The following NRXN3 variants were observed in gnomAD, a reference collection of about 807,000 sequenced individuals.
NRXN3 encodes neurexin III.
In NRXN3, 32 loss-of-function variants were observed where a neutral mutation model predicts 137.6. The observed-to-expected ratio is 0.23, with a 90% CI of 0.18 to 0.31. NRXN3 has a LOEUF of 0.31. Ranked by LOEUF, NRXN3 falls within the 10% of genes least tolerant of loss-of-function variation. The pLI is 1.00. For synonymous variants in NRXN3, 798 were observed against 784.5 expected (o/e 1.02, Z -0.29); for missense variants, 1,574 against 2,062.5 (o/e 0.76, Z 4.59).
chr14:78,558,423 A>G (rs972187787), intron 4 of NRXN3, among the ~76,000 whole-genome samples: 21 of 152,300 alleles, frequency 1.4e-4, no homozygotes, highest in African/African-American at 5.1e-4. Flanking sequence ...TCTGCATAGG[A>G]CCTTTCCAGC....
intron 15 of NRXN3, among the ~76,000 whole-genome samples, chr14:79,065,281 A>G (rs12887850): frequency 0.59 from 89,543 of 151,824 alleles, 27,108 homozygotes; most frequent in East Asian, 0.81. Context: ...TGAAAGAGGG[A>G]TAAGATTTTG....
intron 4 of NRXN3, among the ~76,000 whole-genome samples, chr14:78,466,819 G>A (rs929637595): frequency 1.3e-5 from 2 of 152,160 alleles, no homozygotes; most frequent in Non-Finnish European, 2.9e-5. Context: ...ACTTTACGGT[G>A]TGAACATGAG....
intron 15 of NRXN3, among the ~76,000 whole-genome samples, chr14:79,204,572 A>G (rs541258821): frequency 1.3e-5 from 2 of 152,200 alleles, no homozygotes; most frequent in East Asian, 3.9e-4. Context: ...GGGTGTTTAC[A>G]TATTCCTTGT....
intron 4 of NRXN3, among the ~76,000 whole-genome samples, chr14:78,340,629 C>T (rs732176): frequency 0.026 from 3,969 of 152,194 alleles, 137 homozygotes; most frequent in African/African-American, 0.087. Context: ...CTTCTTGCGG[C>T]TCCTCAAACC....
chr14:79,634,506 G>A (rs1313135682), intron 16 of NRXN3, among the ~76,000 whole-genome samples: 1 of 151,974 alleles, frequency 6.6e-6, no homozygotes, highest in Non-Finnish European at 1.5e-5. Context: ...GTTGCTTTTG[G>A]GAAAACATGC....
At chr14:78,266,308 CT>C (rs752220953) in intron 2 of NRXN3, among the ~76,000 whole-genome samples, 2 of 151,050 alleles carry the variant, frequency 1.3e-5, no homozygotes, top group East Asian at 1.9e-4. Context: ...TTCTTTCTTT[CT>C]TTTTTTTTGA....
At chr14:79,182,260 G>T (rs1039768854) in intron 15 of NRXN3, among the ~76,000 whole-genome samples, 1 of 151,912 alleles carries the variant, frequency 6.6e-6, no homozygotes, top group Non-Finnish European at 1.5e-5. Context: ...GGGATGGTTT[G>T]GGGATGATTC....
chr14:78,343,474 G>A (rs542686251), intron 4 of NRXN3, among the ~76,000 whole-genome samples: 10 of 152,252 alleles, frequency 6.6e-5, no homozygotes, highest in African/African-American at 2.4e-4. Flanking sequence ...GGTAAAAACA[G>A]CCAGATAAGT....
intron 15 of NRXN3, among the ~76,000 whole-genome samples, chr14:79,260,276 T>G (rs2077398909): frequency 6.6e-6 from 1 of 152,192 alleles, no homozygotes; most frequent in African/African-American, 2.4e-5. Flanking sequence ...TAAATTCTAT[T>G]TTATAAGACT....
At chr14:79,715,646 G>A (rs2098821261) in intron 19 of NRXN3, among the ~76,000 whole-genome samples, 1 of 151,980 alleles carries the variant, frequency 6.6e-6, no homozygotes, top group African/African-American at 2.4e-5. Context: ...CTGTCTTCAT[G>A]GTACTTATAT....
intron 1 of NRXN3, among the ~76,000 whole-genome samples, chr14:78,226,895 A>T (rs2064745929): frequency 6.6e-6 from 1 of 152,236 alleles, no homozygotes; most frequent in Non-Finnish European, 1.5e-5. Context: ...AAGGTTTGAT[A>T]TTATATAATA....
At chr14:79,492,602 C>T (rs1021080737) in intron 16 of NRXN3, among the ~76,000 whole-genome samples, 3 of 152,046 alleles carry the variant, frequency 2.0e-5, no homozygotes, top group African/African-American at 7.2e-5. Flanking sequence ...AGGATGGTCT[C>T]GAACTCCAGA....
In NRXN3 at chr14:78,853,110, C is replaced by T. The variant is rs561941080; in HGVS notation, c.2275+42766C>T. On this transcript the variant is annotated intron_variant, in intron 10 of 20. Coordinates refer to ENST00000335750, the MANE Select transcript of NRXN3 (RefSeq NM_001330195.2). ...TACTTTAAGTTTTAGGGTACACATG[C>T]ACAACGTGCAGGTTTGTTACATATG... 1.4e-4 allele frequency among the ~76,000 whole-genome samples: 21 copies of T among 152,224 alleles called. No individual in the cohort carries two copies. In the East Asian group the frequency reaches 4.0e-3, roughly 29 times the overall value.
chr14:79,061,168 G>A (rs1056443724), intron 15 of NRXN3, among the ~76,000 whole-genome samples: 7 of 152,172 alleles, frequency 4.6e-5, no homozygotes, highest in African/African-American at 1.7e-4. Flanking sequence ...CCTTCTATGT[G>A]CTAAACACTG....
intron 19 of NRXN3, among the ~76,000 whole-genome samples, chr14:79,742,749 T>G (rs1448405759): frequency 1.3e-5 from 2 of 152,192 alleles, no homozygotes; most frequent in Non-Finnish European, 2.9e-5. Context: ...ATTACCGCAA[T>G]TTCTTCTGCA....
intron 4 of NRXN3, among the ~76,000 whole-genome samples, chr14:78,473,128 C>T (rs189849979): frequency 1.3e-5 from 2 of 152,080 alleles, no homozygotes; most frequent in Admixed American, 1.3e-4. Flanking sequence ...TCTGGCCGGG[C>T]GTGGTGGCTC....
At chr14:78,333,464 A>G (rs1445522938) in intron 4 of NRXN3, among the ~76,000 whole-genome samples, 1 of 152,218 alleles carries the variant, frequency 6.6e-6, no homozygotes, top group Non-Finnish European at 1.5e-5. Flanking sequence ...AGTAGGGTAG[A>G]GAAGTACACA....
At chr14:79,624,602 C>T (rs1233660610) in intron 16 of NRXN3, among the ~76,000 whole-genome samples, 1 of 151,900 alleles carries the variant, frequency 6.6e-6, no homozygotes, top group Non-Finnish European at 1.5e-5. Context: ...AGTTATCATG[C>T]TGTACCTTAA....
At chr14:78,282,638 T>C (rs2074562367) in intron 3 of NRXN3, among the ~76,000 whole-genome samples, 1 of 152,216 alleles carries the variant, frequency 6.6e-6, no homozygotes, top group Non-Finnish European at 1.5e-5. Flanking sequence ...CTCCGTCTGC[T>C]GTTGCCAAAG....
Sources: allele counts gnomAD v4.1 joint callset (sites outside exome capture counted in the v4.1 genomes callset), GRCh38; gene constraint gnomAD v4.1.1; transcripts MANE v1.5; gene names NCBI Gene and HGNC (gene_info 2026-07-23, HGNC 2026-07-21).